The following CDH4 variants were observed in gnomAD, a reference collection of about 807,000 sequenced individuals.
CDH4 encodes the protein cadherin-4.
CDH4 carries 33 observed loss-of-function variants against 86.0 expected under a neutral mutation model. That is an observed-to-expected ratio of 0.38 (90% CI 0.29 to 0.51). The LOEUF (loss-of-function observed/expected upper bound fraction) is 0.51. Among genes scored for constraint, CDH4 ranks in the 20% least tolerant of loss-of-function variants. The probability of loss-of-function intolerance (pLI) is 0.86; values close to 1 mark genes in which losing one functional copy is unlikely to be tolerated. For missense variants in CDH4, 1,114 were observed against 1,307.4 expected (o/e 0.85, Z 2.28); for synonymous variants, 555 against 549.4 (o/e 1.01, Z -0.14).
chr20:61,907,686 G>A (rs1228165937), intron 8 of CDH4, among the ~76,000 whole-genome samples: 1 of 152,064 alleles, frequency 6.6e-6, no homozygotes, highest in African/African-American at 2.4e-5. Flanking sequence ...CCCTCCTCTA[G>A]GGCCAGGTCA....
intron 2 of CDH4, among the ~76,000 whole-genome samples, chr20:61,714,371 C>T (rs779275193): frequency 6.6e-5 from 10 of 152,104 alleles, no homozygotes; most frequent in Admixed American, 1.3e-4. Context: ...TAACAGAACA[C>T]CTGGGACTGG....
intron 2 of CDH4, among the ~76,000 whole-genome samples, chr20:61,566,950 G>A (rs1381740985): frequency 1.3e-5 from 2 of 152,176 alleles, no homozygotes; most frequent in Non-Finnish European, 2.9e-5. Context: ...GCTGTTGCCA[G>A]CGGCGGTGAT....
intron 7 of CDH4, among the ~76,000 whole-genome samples, chr20:61,878,817 C>T (rs1003633482): frequency 5.9e-5 from 9 of 152,206 alleles, no homozygotes; most frequent in Middle Eastern, 3.2e-3. Context: ...CCCACTTTTT[C>T]GCCTTTGCCT....
At chr20:61,607,669 C>T (rs1243489264) in intron 2 of CDH4, among the ~76,000 whole-genome samples, 3 of 152,192 alleles carry the variant, frequency 2.0e-5, no homozygotes, top group African/African-American at 7.2e-5. Flanking sequence ...CAAGCCAGGG[C>T]CAAAGACCCA....
intron 2 of CDH4, among the ~76,000 whole-genome samples, chr20:61,458,988 A>G (rs1272894009): frequency 1.3e-5 from 2 of 149,142 alleles, no homozygotes; most frequent in East Asian, 3.9e-4. Context: ...GAGCCTGGCA[A>G]CCTTGGTCCA....
At chr20:61,653,556 A>C (rs4507168) in intron 2 of CDH4, among the ~76,000 whole-genome samples, 5 of 126,804 alleles carry the variant, frequency 3.9e-5, no homozygotes, top group Non-Finnish European at 5.3e-5. Context: ...GTGGCTGGCC[A>C]GGCGGGGGCT....
In CDH4 at chr20:61,795,087, T is replaced by C. The variant is rs201978110; in HGVS notation, c.576+21905T>C. On this transcript the variant is annotated intron_variant, in intron 4 of 15. Transcript: ENST00000614565. ...GGTTATAATGGTGAGGGTGATGATG[T>C]TGATGGTAATGATGGTGATGATGGT... Among the ~76,000 whole-genome samples the C allele has an allele frequency of 1.7e-3, 2 of 1,212 alleles. 1 individual carries two copies. 0.8% of individuals were successfully genotyped at this position (1,212 alleles called of 152,430 possible).
chr20:61,850,626 C>T (rs530627031), intron 5 of CDH4, among the ~76,000 whole-genome samples: 8 of 152,348 alleles, frequency 5.3e-5, no homozygotes, highest in South Asian at 2.1e-4. Flanking sequence ...TCTCCCGGAA[C>T]GAGGATAGAA....
intron 4 of CDH4, among the ~76,000 whole-genome samples, chr20:61,779,638 C>T (rs1427039923): frequency 6.6e-6 from 1 of 152,240 alleles, no homozygotes; most frequent in Non-Finnish European, 1.5e-5. Flanking sequence ...CATTGCTTCA[C>T]ATCCAGCCAC....
rs543116531 is a variant in CDH4 at position 61,380,238 on chromosome 20, C to T, written c.169+125301C>T. ...TGTACTGCATTAAGGTTATGCCACA[C>T]TGAACTGTTAAAAAAATCCATCTTA... On this transcript the variant is annotated intron_variant, in intron 2 of 15. Coordinates refer to ENST00000614565, the MANE Select transcript of CDH4 (RefSeq NM_001794.5). 4.6e-5 allele frequency among the ~76,000 whole-genome samples: 7 copies of T among 152,264 alleles called. No homozygotes were observed. The South Asian group carries it at 1.5e-3, about 32-fold the overall frequency.
rs1194830397 is a variant in CDH4, at chr20:61,582,969, T to G, written c.170-160594T>G. ...GCCCCCGGCCCTAGGCAGCCACTAA[T>G]CTACTTTCTGTCTCTGTCGACTTCC... On this transcript the variant is annotated intron_variant, in intron 2 of 15. Transcript: ENST00000614565. The surrounding 1 kb of genome is among the most constrained non-coding windows in gnomAD (Gnocchi z 4.2). Among the ~76,000 whole-genome samples the G allele has an allele frequency of 6.6e-6, 1 of 151,994 alleles. No individual in the cohort carries two copies. Among genetic ancestry groups the G allele is most frequent in the Non-Finnish European group, 1.5e-5 (1 of 68,006 alleles).
intron 11 of CDH4, among the ~76,000 whole-genome samples, chr20:61,927,757 C>T (rs1250199333): frequency 4.6e-5 from 7 of 152,232 alleles, no homozygotes; most frequent in Non-Finnish European, 7.3e-5. Context: ...GTCCCCGGTG[C>T]GTGGCTGTGA....
At chr20:61,877,831 C>T (rs1011875993) in intron 7 of CDH4, among the ~76,000 whole-genome samples, 4 of 152,138 alleles carry the variant, frequency 2.6e-5, no homozygotes, top group African/African-American at 7.2e-5. Flanking sequence ...GCTCAGGGGA[C>T]GGTCATGGGG....
intron 2 of CDH4, among the ~76,000 whole-genome samples, chr20:61,565,173 TG>T (rs1435932635): frequency 1.3e-5 from 1 of 79,160 alleles, no homozygotes; most frequent in East Asian, 2.9e-4. Flanking sequence ...GGTGATGGGG[TG>T]GTGGTGGTGG....
At chr20:61,441,385 A>T (rs534032292) in intron 2 of CDH4, among the ~76,000 whole-genome samples, 21 of 152,350 alleles carry the variant, frequency 1.4e-4, no homozygotes, top group African/African-American at 4.6e-4. Flanking sequence ...AGAGCTGGGC[A>T]GGCTTCTGGG....
intron 4 of CDH4, among the ~76,000 whole-genome samples, chr20:61,789,427 G>C (rs909549017): frequency 6.6e-6 from 1 of 152,196 alleles, no homozygotes; most frequent in Non-Finnish European, 1.5e-5. Context: ...TGTCAGAAAA[G>C]GGGAGGGGGG....
chr20:61,873,061 A>G (rs773913544), intron 6 of CDH4, among the ~76,000 whole-genome samples: 1 of 152,300 alleles, frequency 6.6e-6, no homozygotes, highest in African/African-American at 2.4e-5. Context: ...CTCAACCCCA[A>G]TGTGTGCATG....
intron 2 of CDH4, among the ~76,000 whole-genome samples, chr20:61,694,638 A>G (rs189143258): frequency 6.6e-6 from 1 of 151,630 alleles, no homozygotes; most frequent in Admixed American, 6.6e-5. Flanking sequence ...AGAAGTAAAA[A>G]CTCCTAAAAA....
chr20:61,368,672 A>G (rs1405525820), intron 2 of CDH4, among the ~76,000 whole-genome samples: 1 of 152,032 alleles, frequency 6.6e-6, no homozygotes, highest in Non-Finnish European at 1.5e-5. Flanking sequence ...ATGTGCCACC[A>G]TGCCAGGCTA....
Sources: allele counts gnomAD v4.1 joint callset (sites outside exome capture counted in the v4.1 genomes callset), GRCh38; gene constraint gnomAD v4.1.1; non-coding constraint Gnocchi (gnomAD v3.1); transcripts MANE v1.5; gene names NCBI Gene and HGNC (gene_info 2026-07-23, HGNC 2026-07-21).